CAMK4: variants seen among roughly 807,000 people sequenced by gnomAD.
CAMK4 encodes calcium/calmodulin dependent protein kinase IV.
Under a neutral mutation model 44.9 loss-of-function variants are expected in CAMK4, and 22 were observed. The observed-to-expected ratio is 0.49, with a 90% CI of 0.35 to 0.70. The LOEUF is 0.70. Ranked by LOEUF, CAMK4 falls within the 30% of genes least tolerant of loss-of-function variation. The pLI is 0.01. For synonymous variants in CAMK4, 218 were observed against 215.4 expected (o/e 1.01, Z -0.11); for missense variants, 498 against 586.8 (o/e 0.85, Z 1.56).
chr5:111,403,528 A>G (rs1019716291), intron 5 of CAMK4, among the ~76,000 whole-genome samples: 3 of 152,314 alleles, frequency 2.0e-5, no homozygotes, highest in Non-Finnish European at 2.9e-5. Flanking sequence ...TTACCTGTAA[A>G]AAGTAAAAGT....
At chr5:111,272,169 C>T (rs1750547150) in intron 1 of CAMK4, among the ~76,000 whole-genome samples, 1 of 151,652 alleles carries the variant, frequency 6.6e-6, no homozygotes, top group Admixed American at 6.6e-5. Context: ...GAGTAATTTG[C>T]CATGAAGGTC....
At chr5:111,273,387 C>T (rs1191174392) in intron 1 of CAMK4, among the ~76,000 whole-genome samples, 1 of 151,354 alleles carries the variant, frequency 6.6e-6, no homozygotes, top group Non-Finnish European at 1.5e-5. Flanking sequence ...TACTCATGAA[C>T]AATTTATATG....
chr5:111,230,378 A>G (rs919597037), intron 1 of CAMK4, among the ~76,000 whole-genome samples: 4 of 152,246 alleles, frequency 2.6e-5, no homozygotes, highest in African/African-American at 7.2e-5. Context: ...ACTAAAAGGC[A>G]TGAAATGCCT....
At chr5:111,478,574 T>C in intron 9 of CAMK4, 67 bp downstream of exon 9, 1 of 741,114 alleles carries the variant, frequency 1.3e-6, no homozygotes. Flanking sequence ...TAATGGGAAG[T>C]ACAATTTTTT....
intron 1 of CAMK4, among the ~76,000 whole-genome samples, chr5:111,242,694 C>G (rs532391180): frequency 6.6e-6 from 1 of 152,092 alleles, no homozygotes; most frequent in South Asian, 2.1e-4. Flanking sequence ...TTGCGCTTGC[C>G]GTCTTACGCC....
intron 1 of CAMK4, among the ~76,000 whole-genome samples, chr5:111,240,854 C>T (rs1748956742): frequency 6.6e-6 from 1 of 152,170 alleles, no homozygotes; most frequent in African/African-American, 2.4e-5. Context: ...CATTAAATAA[C>T]CCTATGACTT....
At chr5:111,264,190 G>C (rs995856904) in intron 1 of CAMK4, among the ~76,000 whole-genome samples, 1 of 152,158 alleles carries the variant, frequency 6.6e-6, no homozygotes. Flanking sequence ...TGGTCCTGCT[G>C]CAAGATGGTG....
At chr5:111,239,672 A>T (rs1052949278) in intron 1 of CAMK4, among the ~76,000 whole-genome samples, 1 of 152,232 alleles carries the variant, frequency 6.6e-6, no homozygotes, top group African/African-American at 2.4e-5. Context: ...AGAAGAGATA[A>T]TAATGATTAA....
At chr5:111,360,579 C>T (rs148752893) in intron 2 of CAMK4, among the ~76,000 whole-genome samples, 9 of 152,102 alleles carry the variant, frequency 5.9e-5, no homozygotes, top group African/African-American at 1.9e-4. Flanking sequence ...AGGGCATAAA[C>T]ATGGAATGTG....
At chr5:111,362,841 T>C (rs1287593148) in intron 2 of CAMK4, among the ~76,000 whole-genome samples, 2 of 152,172 alleles carry the variant, frequency 1.3e-5, no homozygotes, top group Middle Eastern at 3.4e-3. Flanking sequence ...GCTACATCCA[T>C]AGAATTCTTT....
chr5:111,443,450 A>T (rs574758273), intron 5 of CAMK4, among the ~76,000 whole-genome samples: 1 of 150,714 alleles, frequency 6.6e-6, no homozygotes, highest in East Asian at 1.9e-4. Context: ...TTTAAAAGCC[A>T]AGATCATGAC....
intron 5 of CAMK4, among the ~76,000 whole-genome samples, chr5:111,399,663 C>A (rs946513213): frequency 3.5e-4 from 54 of 152,284 alleles, no homozygotes; most frequent in African/African-American, 1.2e-3. Context: ...ATGTACTAAA[C>A]ATCTTTACTG....
intron 1 of CAMK4, among the ~76,000 whole-genome samples, chr5:111,325,985 G>A (rs1173530056): frequency 6.6e-6 from 1 of 151,986 alleles, no homozygotes; most frequent in Non-Finnish European, 1.5e-5. Context: ...GAAAATTTTA[G>A]CATTGAATGT....
chr5:111,374,860 A>G lies in CAMK4; in HGVS notation c.251A>G (p.Lys84Arg). Residue 84 changes from lysine (K) to arginine (R), a missense_variant, in exon 3 of 11, where the codon AAA becomes AGA. Lys to Arg is a conservative substitution (Grantham distance 26). Transcript: ENST00000282356. ...TATTTTGCCTTTTAGGTGGACAAAA[A>G]AATCGTAAGAACTGAGATAGGAGTT... ...LKVLKKTVDK[K>R]IVRTEIGVLL... 1 of 1,610,840 alleles carries G rather than the reference A, an allele frequency of 6.2e-7. No individual in the cohort carries two copies. Among genetic ancestry groups the G allele is most frequent in the Non-Finnish European group, 8.5e-7 (1 of 1,177,424 alleles).
rs1010528170 is a variant in CAMK4, at chr5:111,288,167, A to G, written c.162-55857A>G. ...TCTAGTTCTTTTATTTCATTGCTAT[A>G]TGGTATTCTGTTGTAAAAACATTAT... On this transcript the variant is annotated intron_variant, in intron 1 of 10. Coordinates refer to ENST00000282356, the MANE Select transcript of CAMK4 (RefSeq NM_001744.6). Among the ~76,000 whole-genome samples, 5 of 152,308 alleles carry G rather than the reference A, an allele frequency of 3.3e-5. No homozygotes were observed. In the South Asian group the frequency reaches 1.0e-3, roughly 32 times the overall value.
intron 4 of CAMK4, among the ~76,000 whole-genome samples, chr5:111,393,638 C>T (rs1351831679): frequency 5.9e-5 from 9 of 152,028 alleles, no homozygotes; most frequent in Non-Finnish European, 1.2e-4. Flanking sequence ...AACAGAAAAC[C>T]AAATACCACA....
intron 4 of CAMK4, 32 bp downstream of exon 4, chr5:111,376,974 AG>A (rs768042977): frequency 6.9e-7 from 1 of 1,454,572 alleles, no homozygotes; most frequent in Admixed American, 1.9e-5. Context: ...AACCACAGAA[AG>A]GTTTGCTTTT....
chr5:111,418,520 C>A (rs768811800), intron 5 of CAMK4, among the ~76,000 whole-genome samples: 10 of 151,752 alleles, frequency 6.6e-5, no homozygotes, highest in Non-Finnish European at 1.3e-4. Flanking sequence ...CATACATGTG[C>A]CATATTGGTG....
chr5:111,384,309 C>A (rs774921912), intron 4 of CAMK4, among the ~76,000 whole-genome samples: 1 of 152,118 alleles, frequency 6.6e-6, no homozygotes, highest in Non-Finnish European at 1.5e-5. Flanking sequence ...TTTTGGACAG[C>A]GTCTCTTTTT....
Sources: gnomAD v4.1 joint callset for allele counts (sites outside exome capture counted in the v4.1 genomes callset) on GRCh38, gnomAD v4.1.1 for gene constraint, MANE v1.5 for transcripts, NCBI Gene and HGNC (gene_info 2026-07-23, HGNC 2026-07-21) for gene names.